Variants in KIRREL3 observed in about 807,000 individuals in gnomAD.
KIRREL3 encodes the protein kirre like nephrin family adhesion molecule 3, also known as kin of IRRE-like protein 3.
Under a neutral mutation model 89.7 loss-of-function variants are expected in KIRREL3, and 36 were observed. That is an observed-to-expected ratio of 0.40 (90% CI 0.31 to 0.53). The LOEUF is 0.53. Among genes scored for constraint, KIRREL3 ranks in the 20% least tolerant of loss-of-function variants. KIRREL3 has a pLI of 0.49. For synonymous variants in KIRREL3, 445 were observed against 441.4 expected, an observed-to-expected ratio of 1.01 and a Z score of -0.10; for missense variants, 864 against 1,056.6, an observed-to-expected ratio of 0.82 and a Z score of 2.53.
In KIRREL3 at chr11:126,486,442, G is replaced by A. The variant is rs574931874; in HGVS notation, c.434-12976C>T. Among the ~76,000 whole-genome samples the A allele has an allele frequency of 3.3e-5, 5 of 152,326 alleles. No homozygotes were observed. The South Asian group carries it at 1.0e-3, about 32-fold the overall frequency. The stretch of plus-strand genomic sequence containing the variant: ...CTCCAGCCCAGCTCCTATGCTGATG[G>A]CTGCAGGATGGGTGAGAGCGCTTCT... On this transcript the variant is annotated intron_variant, in intron 4 of 16. Transcript: ENST00000525144. The surrounding 1 kb of genome is among the most constrained non-coding windows in gnomAD (Gnocchi z 6.2).
chr11:126,724,890 A>C lies in KIRREL3; in HGVS notation c.56-161978T>G, dbSNP rs141614990. ...TCATAGATCAACTTGTCAGTTAGTC[A>C]TTCACTTAATGAGTATTTATTGTAC... is the stretch of plus-strand genomic sequence containing the variant. On this transcript the variant is annotated intron_variant, in intron 1 of 16. Transcript: ENST00000525144. The surrounding 1 kb of genome is among the most constrained non-coding windows in gnomAD (Gnocchi z 4.3). Among the ~76,000 whole-genome samples the C allele has an allele frequency of 6.6e-6, 1 of 152,358 alleles. No individual in the cohort carries two copies. Among genetic ancestry groups the C allele is most frequent in the African/African-American group, 2.4e-5 (1 of 41,578 alleles).
rs552730491 is a variant in KIRREL3, at chr11:126,852,246, G to T, written c.55+148209C>A. On this transcript the variant is annotated intron_variant, in intron 1 of 16. Coordinates refer to ENST00000525144, the MANE Select transcript of KIRREL3 (RefSeq NM_032531.4). The stretch of plus-strand genomic sequence containing the variant: ...TGTTTGTATTTTTAGTAGAGATGGG[G>T]TTTCACAATGTTGGCCAGGATGGTC... 1.2e-4 allele frequency among the ~76,000 whole-genome samples: 18 copies of T among 152,116 alleles called. No homozygotes were observed. In the South Asian group the frequency reaches 3.5e-3, roughly 30 times the overall value.
intron 1 of KIRREL3, among the ~76,000 whole-genome samples, chr11:126,934,552 T>C (rs2135073256): frequency 6.6e-6 from 1 of 152,268 alleles, no homozygotes; most frequent in African/African-American, 2.4e-5. Flanking sequence ...ATATACTTGA[T>C]AAATAACTTG....
intron 1 of KIRREL3, among the ~76,000 whole-genome samples, chr11:126,852,590 C>T (rs182634987): frequency 6.6e-6 from 1 of 152,284 alleles, no homozygotes; most frequent in Admixed American, 6.5e-5. Context: ...TGAGCTATCT[C>T]TACTTTAATA....
At chr11:126,532,953 T>G (rs1364550584) in intron 2 of KIRREL3, among the ~76,000 whole-genome samples, 1 of 152,030 alleles carries the variant, frequency 6.6e-6, no homozygotes, top group Non-Finnish European at 1.5e-5. Flanking sequence ...GCTATAAAAT[T>G]AGTAATTGCT....
At chr11:126,964,840 T>C (rs1339265968) in intron 1 of KIRREL3, among the ~76,000 whole-genome samples, 1 of 152,122 alleles carries the variant, frequency 6.6e-6, no homozygotes, top group African/African-American at 2.4e-5. Context: ...ATCTTCCCAA[T>C]GACCCTCAAA....
intron 7 of KIRREL3, among the ~76,000 whole-genome samples, chr11:126,452,943 A>G (rs1956228781): frequency 6.6e-6 from 1 of 152,118 alleles, no homozygotes. Flanking sequence ...GCAGCTGGCC[A>G]AGGATCCAGG....
rs888565511 is a variant in KIRREL3, at chr11:126,432,737, G to A, written c.1589-1211C>T. ...TTTGCCTCTCTTATATCTGTAGGAT[G>A]GGGATAATGGTACCGGCCCCTCTGA... On this transcript the variant is annotated intron_variant, in intron 13 of 16. Coordinates refer to ENST00000525144, the MANE Select transcript of KIRREL3 (RefSeq NM_032531.4). This position sits in a 1 kb window ranked among gnomAD's most constrained non-coding sequence, Gnocchi z 6.2. 2.0e-5 allele frequency among the ~76,000 whole-genome samples: 3 copies of A among 152,146 alleles called. No homozygotes were observed. The highest frequency in any genetic ancestry group is 7.2e-5 in the African/African-American group (3 of 41,432).
intron 10 of KIRREL3, among the ~76,000 whole-genome samples, chr11:126,444,490 T>C (rs1473344202): frequency 6.6e-6 from 1 of 152,252 alleles, no homozygotes. Context: ...CTGGGCGTAG[T>C]GGCACGTGCC....
At chr11:126,854,028 G>C (rs1944424738) in intron 1 of KIRREL3, among the ~76,000 whole-genome samples, 1 of 151,806 alleles carries the variant, frequency 6.6e-6, no homozygotes, top group African/African-American at 2.4e-5. Context: ...TCAGGGAAAA[G>C]GGTTCTCCAG....
chr11:126,764,154 G>A lies in KIRREL3; in HGVS notation c.56-201242C>T, dbSNP rs965728833. Among the ~76,000 whole-genome samples the A allele has an allele frequency of 6.6e-6, 1 of 152,162 alleles. No homozygotes were observed. The highest frequency in any genetic ancestry group is 2.4e-5 in the African/African-American group (1 of 41,436). ...TGAATGAAATGCTAACTTTTCCCCT[G>A]TCTAACCCACTCACCCACATACCCT... On this transcript the variant is annotated intron_variant, in intron 1 of 16. Coordinates refer to ENST00000525144, the MANE Select transcript of KIRREL3 (RefSeq NM_032531.4). The surrounding 1 kb of genome is among the most constrained non-coding windows in gnomAD (Gnocchi z 4.2).
intron 1 of KIRREL3, among the ~76,000 whole-genome samples, chr11:126,952,240 G>C (rs959862662): frequency 6.6e-6 from 1 of 152,166 alleles, no homozygotes; most frequent in African/African-American, 2.4e-5. Flanking sequence ...ACAAAAATCA[G>C]CTGGGTGTGG....
Position 126,686,572 on chromosome 11 carries a change from T to C in KIRREL3, c.56-123660A>G, listed in dbSNP as rs1783052950. Among the ~76,000 whole-genome samples, 1 of 152,124 alleles carries C rather than the reference T, an allele frequency of 6.6e-6. No individual in the cohort carries two copies. Among genetic ancestry groups the C allele is most frequent in the Non-Finnish European group, 1.5e-5 (1 of 68,030 alleles). On this transcript the variant is annotated intron_variant, in intron 1 of 16. Transcript: ENST00000525144. The surrounding 1 kb of genome is among the most constrained non-coding windows in gnomAD (Gnocchi z 4.7). ...GCATGTTACCCTACACTGAATTTTATTTTTTTATTATTTTATTTTAATTTT... is the reference window on the plus strand; with the variant it reads ...GCATGTTACCCTACACTGAATTTTACTTTTTTATTATTTTATTTTAATTTT...
chr11:126,453,763 A>G (rs1956255704), intron 7 of KIRREL3, among the ~76,000 whole-genome samples: 1 of 152,092 alleles, frequency 6.6e-6, no homozygotes, highest in African/African-American at 2.4e-5. Context: ...AAGCCTCTGG[A>G]GTCCTGGAGG....
chr11:126,648,270 G>A (rs1046301664), intron 1 of KIRREL3, among the ~76,000 whole-genome samples: 6 of 152,128 alleles, frequency 3.9e-5, no homozygotes, highest in African/African-American at 9.7e-5. Context: ...CCCGTCTCAC[G>A]TACTTCTTTA....
At chr11:126,542,060 C>T (rs771676109) in intron 2 of KIRREL3, among the ~76,000 whole-genome samples, 2 of 152,142 alleles carry the variant, frequency 1.3e-5, no homozygotes, top group African/African-American at 2.4e-5. Flanking sequence ...TTCCAAAGGC[C>T]CTGTGCAGTT....
At chr11:126,618,422 T>C (rs1469926647) in intron 1 of KIRREL3, among the ~76,000 whole-genome samples, 1 of 151,878 alleles carries the variant, frequency 6.6e-6, no homozygotes, top group Non-Finnish European at 1.5e-5. Context: ...CCCAGTCTCT[T>C]TTGTCTTTCT....
chr11:126,469,675 G>C (rs919307561), intron 5 of KIRREL3, among the ~76,000 whole-genome samples: 3 of 152,230 alleles, frequency 2.0e-5, no homozygotes, highest in Admixed American at 2.0e-4. Flanking sequence ...ACCACTGGCC[G>C]TGGGGTGGAC....
chr11:126,907,990 T>G (rs1946654640), intron 1 of KIRREL3, among the ~76,000 whole-genome samples: 1 of 152,188 alleles, frequency 6.6e-6, no homozygotes, highest in African/African-American at 2.4e-5. Flanking sequence ...AAAGGCTTTC[T>G]TGACCACCTG....
Sources: allele counts gnomAD v4.1 joint callset (sites outside exome capture counted in the v4.1 genomes callset), GRCh38; gene constraint gnomAD v4.1.1; non-coding constraint Gnocchi (gnomAD v3.1); transcripts MANE v1.5; gene names NCBI Gene and HGNC (gene_info 2026-07-23, HGNC 2026-07-21).